SLC67A1: variants seen among roughly 807,000 people sequenced by gnomAD.
SLC67A1 encodes solute carrier family 67 member 1, also known as solute carrier family 67 member A1.
chr11:2,909,130 C>T, the SLC67A1 span: 1 of 1,403,692 alleles, frequency 7.1e-7, no homozygotes, highest in East Asian at 2.7e-5. Context: ...CCTGGGCAGC[C>T]CCTGGACGGG....
chr11:2,919,493 G>C, the SLC67A1 span: 1 of 951,792 alleles, frequency 1.1e-6, no homozygotes, highest in Non-Finnish European at 1.7e-6. Context: ...CCTCCCCGGC[G>C]GAGGCTGGGG....
the SLC67A1 span, among the ~76,000 whole-genome samples, chr11:2,900,199 G>A: frequency 5.3e-5 from 8 of 152,236 alleles, no homozygotes; most frequent in Admixed American, 5.2e-4. Context: ...AACGAGCTTG[G>A]CAGAGGATCT....
At chr11:2,909,759 C>G in the SLC67A1 span, 2 of 1,406,570 alleles carry the variant, frequency 1.4e-6, no homozygotes. Context: ...ACGCCCGCGG[C>G]TGGGTCGGCC....
At chr11:2,918,628 T>C in the SLC67A1 span, among the ~76,000 whole-genome samples, 1 of 152,278 alleles carries the variant, frequency 6.6e-6, no homozygotes, top group East Asian at 1.9e-4. Flanking sequence ...CACCGGCCCC[T>C]GTCCCACCCA....
chr11:2,909,274 G>T, the SLC67A1 span: 2 of 1,535,120 alleles, frequency 1.3e-6, no homozygotes, highest in Non-Finnish European at 8.7e-7. Context: ...TGCTCCTGGC[G>T]GCCGCCTCCA....
the SLC67A1 span, chr11:2,915,304 T>G: frequency 1.1e-6 from 1 of 901,276 alleles, no homozygotes; most frequent in Non-Finnish European, 1.3e-6. Context: ...TGTGCGCATG[T>G]GGCTGCGGTG....
At chr11:2,918,084 A>C in the SLC67A1 span, 1 of 1,613,294 alleles carries the variant, frequency 6.2e-7, no homozygotes, top group Middle Eastern at 1.7e-4. Context: ...GTGGCCTCCA[A>C]CTGCCCCACA....
At chr11:2,912,781 C>G in the SLC67A1 span, among the ~76,000 whole-genome samples, 1 of 152,298 alleles carries the variant, frequency 6.6e-6, no homozygotes, top group Non-Finnish European at 1.5e-5. Context: ...TGAGCCCAGC[C>G]CCTCACAGAC....
chr11:2,903,432 C>CTACG, the SLC67A1 span: 2 of 1,613,194 alleles, frequency 1.2e-6, no homozygotes, highest in South Asian at 2.2e-5. Flanking sequence ...TCTTGCTTAC[C>CTACG]TACGTGCTGG....
At chr11:2,908,417 T>C in the SLC67A1 span, 4 of 1,007,492 alleles carry the variant, frequency 4.0e-6, no homozygotes, top group Admixed American at 7.1e-5. Context: ...CCAGGTTCCC[T>C]GACCCCACAC....
chr11:2,920,409 G>A, the SLC67A1 span: 1 of 152,338 alleles, frequency 6.6e-6, no homozygotes, highest in African/African-American at 2.4e-5. Flanking sequence ...TCACTGCGAG[G>A]AAGGACGCTT....
At chr11:2,903,399 C>A in the SLC67A1 span, 7 of 1,613,058 alleles carry the variant, frequency 4.3e-6, no homozygotes, top group African/African-American at 1.3e-5. Flanking sequence ...GCAGGATGAG[C>A]GCTCTAGGCC....
the SLC67A1 span, chr11:2,903,564 G>A: frequency 7.5e-5 from 116 of 1,538,466 alleles, 1 homozygote; most frequent in South Asian, 3.2e-4. Flanking sequence ...CATCTGGGCC[G>A]TCGCAGAGAG....
chr11:2,919,654 C>T, the SLC67A1 span: 4 of 544,790 alleles, frequency 7.3e-6, no homozygotes, highest in African/African-American at 7.6e-5. Context: ...TGTGGCAGCC[C>T]ACCTGCCCAC....
the SLC67A1 span, chr11:2,917,930 C>G: frequency 7.3e-7 from 1 of 1,376,558 alleles, no homozygotes. Context: ...TGCAGCCGGG[C>G]GAGGGGTGGG....
chr11:2,922,506 A>G, the SLC67A1 span: 6 of 1,612,772 alleles, frequency 3.7e-6, no homozygotes, highest in South Asian at 4.4e-5. Flanking sequence ...TGCACCCTCA[A>G]CGTGGTCACC....
the SLC67A1 span, chr11:2,921,836 G>T: frequency 6.3e-6 from 3 of 475,936 alleles, no homozygotes; most frequent in Non-Finnish European, 1.1e-5. Context: ...GCCCATCCCC[G>T]GTGTCCCTGG....
chr11:2,908,611 G>A, the SLC67A1 span, among the ~76,000 whole-genome samples: 1 of 152,214 alleles, frequency 6.6e-6, no homozygotes, highest in African/African-American at 2.4e-5. Context: ...GGCCTGCCGA[G>A]ACCAGGCAGG....
the SLC67A1 span, among the ~76,000 whole-genome samples, chr11:2,900,932 C>G: frequency 6.6e-6 from 1 of 152,254 alleles, no homozygotes; most frequent in East Asian, 1.9e-4. Context: ...GTCTTATGCC[C>G]TACAGTCAAA....
Sources: allele counts gnomAD v4.1 joint callset (sites outside exome capture counted in the v4.1 genomes callset), GRCh38; gene constraint gnomAD v4.1.1; transcripts MANE v1.5; gene names NCBI Gene and HGNC (gene_info 2026-07-23, HGNC 2026-07-21).